The following TBC1D8 variants were observed in gnomAD, a reference collection of about 807,000 sequenced individuals.
TBC1D8 encodes BUB2-like protein 1.
A neutral mutation model predicts 118.8 loss-of-function variants in TBC1D8; 65 were observed. The observed-to-expected ratio is 0.55, with a 90% CI of 0.45 to 0.67. The LOEUF (loss-of-function observed/expected upper bound fraction) is 0.67. Among genes scored for constraint, TBC1D8 ranks in the 30% least tolerant of loss-of-function variants. TBC1D8 has a pLI of 0.00. For missense variants in TBC1D8, 1,376 were observed against 1,471.2 expected (o/e 0.94, Z 1.06); for synonymous variants, 566 against 595.8 (o/e 0.95, Z 0.73).
chr2:101,130,688 T>C (rs1022303091), intron 1 of TBC1D8, among the ~76,000 whole-genome samples: 6 of 152,222 alleles, frequency 3.9e-5, no homozygotes, highest in African/African-American at 1.4e-4. Flanking sequence ...CAGTGCATAT[T>C]TGAGAATTCC....
intron 12 of TBC1D8, among the ~76,000 whole-genome samples, chr2:101,028,779 C>T (rs899858854): frequency 2.0e-5 from 3 of 152,122 alleles, no homozygotes; most frequent in South Asian, 2.1e-4. Context: ...CCAGCTCTGG[C>T]GCTCAACCTA....
intron 1 of TBC1D8, among the ~76,000 whole-genome samples, chr2:101,101,108 C>T (rs1676797168): frequency 6.6e-6 from 1 of 152,130 alleles, no homozygotes; most frequent in Admixed American, 6.6e-5. Context: ...AGTGAAGAGG[C>T]AACCTACAGA....
chr2:101,034,172 T>C (rs985638622), intron 9 of TBC1D8, among the ~76,000 whole-genome samples: 1 of 152,154 alleles, frequency 6.6e-6, no homozygotes, highest in Non-Finnish European at 1.5e-5. Context: ...TTCTGCCATG[T>C]AGCCTAGTCA....
intron 1 of TBC1D8, among the ~76,000 whole-genome samples, chr2:101,123,200 A>G (rs1018379407): frequency 1.3e-5 from 2 of 151,992 alleles, no homozygotes; most frequent in African/African-American, 4.8e-5. Context: ...TCACCACTGC[A>G]CTCCAGCCTG....
chr2:101,126,349 G>A (rs1185342572), intron 1 of TBC1D8, among the ~76,000 whole-genome samples: 1 of 152,166 alleles, frequency 6.6e-6, no homozygotes, highest in Non-Finnish European at 1.5e-5. Flanking sequence ...GAAACTTGGT[G>A]GGGCCACACA....
chr2:101,041,110 G>A (rs1681360826), intron 5 of TBC1D8, among the ~76,000 whole-genome samples: 2 of 152,208 alleles, frequency 1.3e-5, no homozygotes, highest in Admixed American at 1.3e-4. Flanking sequence ...ACATGGTGTG[G>A]TCATGTTGGT....
intron 2 of TBC1D8, among the ~76,000 whole-genome samples, chr2:101,085,093 T>C (rs1345037318): frequency 6.6e-6 from 1 of 151,974 alleles, no homozygotes; most frequent in East Asian, 1.9e-4. Context: ...CCTCGTGATC[T>C]GCCCACCTCA....
chr2:101,089,855 C>T lies in TBC1D8; in HGVS notation c.283+354G>A, dbSNP rs115696642. Among the ~76,000 whole-genome samples the T allele has an allele frequency of 6.5e-3, 977 of 150,622 alleles. 7 individuals are homozygous for T. Among genetic ancestry groups the T allele is most frequent in the African/African-American group, 0.022 (914 of 40,882 alleles). On this transcript the variant is annotated intron_variant, in intron 2 of 19. Transcript: ENST00000409318. ...CAATATACGAGCACCATGAAACACA[C>T]CAATGAAAGCCTGGCATGCCCAAGC...
chr2:101,022,274 G>A lies in TBC1D8; in HGVS notation c.2761+7C>T. ...GCACATCACTGCGAAATCCCACAGAGGCATACCGAGGCAGCTCACAAACGC... is the reference window on the plus strand; with the variant it reads ...GCACATCACTGCGAAATCCCACAGAAGCATACCGAGGCAGCTCACAAACGC... On this transcript the variant is annotated splice_region_variant and intron_variant, in intron 16 of 19. Transcript: ENST00000409318. 1 of 1,613,390 alleles carries A rather than the reference G, an allele frequency of 6.2e-7. No individual in the cohort carries two copies. The highest frequency in any genetic ancestry group is 8.5e-7 in the Non-Finnish European group (1 of 1,179,658).
At chr2:101,074,763 AGT>A (rs1674702608) in intron 2 of TBC1D8, among the ~76,000 whole-genome samples, 1 of 152,248 alleles carries the variant, frequency 6.6e-6, no homozygotes, top group African/African-American at 2.4e-5. Flanking sequence ...ATCAAAGTTA[AGT>A]TATAACTATG....
rs751541039 is a variant in TBC1D8, at chr2:101,059,626, T to C, written c.284-87A>G. 2.1e-5 allele frequency: 24 copies of C among 1,161,208 alleles called. No individual in the cohort carries two copies. The Middle Eastern group carries it at 1.0e-3, about 51-fold the overall frequency. 71.9% of individuals were successfully genotyped at this position (1,161,208 alleles called of 1,614,324 possible). ...GTTAACTCATTTTCCAAATATTGTG[T>C]ATCCCCATGTTGATGTTAAAACATC... On this transcript the variant is annotated intron_variant, in intron 2 of 19. Coordinates refer to ENST00000409318, the MANE Select transcript of TBC1D8 (RefSeq NM_001330348.2).
intron 17 of TBC1D8, chr2:101,017,746 C>A: frequency 8.5e-7 from 1 of 1,176,722 alleles, no homozygotes; most frequent in Non-Finnish European, 1.2e-6. Flanking sequence ...AAGATAGGGT[C>A]AAGTGACAAA....
chr2:101,091,109 C>T (rs904238937), intron 1 of TBC1D8, among the ~76,000 whole-genome samples: 1 of 151,566 alleles, frequency 6.6e-6, no homozygotes, highest in African/African-American at 2.4e-5. Context: ...ATGGTGAAAC[C>T]CCATCTCTAC....
At chr2:101,133,553 C>G (rs1173175994) in intron 1 of TBC1D8, among the ~76,000 whole-genome samples, 1 of 152,154 alleles carries the variant, frequency 6.6e-6, no homozygotes. Context: ...GATTTGGTGT[C>G]TGGTGAGGGG....
At chr2:101,150,882 G>T (rs1679530045) in intron 1 of TBC1D8, among the ~76,000 whole-genome samples, 2 of 152,142 alleles carry the variant, frequency 1.3e-5, no homozygotes, top group South Asian at 4.1e-4. Context: ...ACCGGGCCAG[G>T]CGGCGAAGAC....
chr2:101,011,550 AGAT>A lies in TBC1D8; in HGVS notation c.2828-13_2828-11del. The A allele has an allele frequency of 6.2e-7, 1 of 1,613,938 alleles. No individual in the cohort carries two copies. Among genetic ancestry groups the A allele is most frequent in the Non-Finnish European group, 8.5e-7 (1 of 1,179,810 alleles). On this transcript the variant is annotated splice_polypyrimidine_tract_variant and intron_variant, in intron 17 of 19. Coordinates refer to ENST00000409318, the MANE Select transcript of TBC1D8 (RefSeq NM_001330348.2). ...TCATTTTCAGTGAGTGCTTAAAAAA[AGAT>A]GAGAGGTTTAAATTAAACAAATTTT...
chr2:101,113,068 G>C (rs1286183981), intron 1 of TBC1D8, among the ~76,000 whole-genome samples: 1 of 152,068 alleles, frequency 6.6e-6, no homozygotes, highest in East Asian at 1.9e-4. Flanking sequence ...ATTTTAACAA[G>C]TCCAACAGGT....
At chr2:101,041,572 T>C (rs546095930) in intron 5 of TBC1D8, among the ~76,000 whole-genome samples, 1 of 152,144 alleles carries the variant, frequency 6.6e-6, no homozygotes, top group Non-Finnish European at 1.5e-5. Context: ...CATGGGTACA[T>C]GGTTTCTTTT....
intron 15 of TBC1D8, among the ~76,000 whole-genome samples, chr2:101,026,207 C>A (rs2105381895): frequency 6.6e-6 from 1 of 152,288 alleles, no homozygotes; most frequent in African/African-American, 2.4e-5. Context: ...AAATCAAAGT[C>A]TTTTTAAGGT....
Sources: allele counts gnomAD v4.1 joint callset (sites outside exome capture counted in the v4.1 genomes callset), GRCh38; gene constraint gnomAD v4.1.1; transcripts MANE v1.5; gene names NCBI Gene and HGNC (gene_info 2026-07-23, HGNC 2026-07-21).